The following UTRN variants were observed in gnomAD, a reference collection of about 807,000 sequenced individuals.
The protein encoded by UTRN is dystrophin-related protein 1.
A neutral mutation model predicts 463.9 loss-of-function variants in UTRN; 283 were observed. The observed-to-expected ratio is 0.61, with a 90% CI of 0.55 to 0.67. UTRN has a LOEUF of 0.67. UTRN is among the 30% of genes least tolerant of loss of function. UTRN has a pLI of 0.00. For synonymous variants in UTRN, 1,442 were observed against 1,431.5 expected (o/e 1.01, Z -0.17); for missense variants, 3,922 against 4,084.3 (o/e 0.96, Z 1.08).
At chr6:144,670,336 G>A (rs189384175) in intron 51 of UTRN, among the ~76,000 whole-genome samples, 2 of 152,000 alleles carry the variant, frequency 1.3e-5, no homozygotes, top group Non-Finnish European at 2.9e-5. Flanking sequence ...GAGTAAGGGG[G>A]TATCACATTG....
intron 2 of UTRN, among the ~76,000 whole-genome samples, chr6:144,361,965 T>C (rs1779119260): frequency 6.6e-6 from 1 of 152,128 alleles, no homozygotes; most frequent in Non-Finnish European, 1.5e-5. Context: ...TTTTTCCTTT[T>C]TGCTGCCACT....
At chr6:144,790,034 A>G (rs565887263) in intron 62 of UTRN, among the ~76,000 whole-genome samples, 1 of 152,298 alleles carries the variant, frequency 6.6e-6, no homozygotes, top group South Asian at 2.1e-4. Flanking sequence ...TAGTATTCCA[A>G]TTTTACAGTT....
At chr6:144,616,124 A>G (rs1181760681) in intron 51 of UTRN, among the ~76,000 whole-genome samples, 1 of 152,118 alleles carries the variant, frequency 6.6e-6, no homozygotes, top group Non-Finnish European at 1.5e-5. Flanking sequence ...ATTGGACCCT[A>G]AGGATGTACA....
intron 2 of UTRN, 63 bp downstream of exon 2, chr6:144,291,970 G>T: frequency 6.6e-7 from 1 of 1,512,342 alleles, no homozygotes; most frequent in South Asian, 1.3e-5. Flanking sequence ...TATGTTTCTT[G>T]GATTGATTTG....
At chr6:144,515,151 C>T (rs979896009) in intron 37 of UTRN, among the ~76,000 whole-genome samples, 14 of 152,144 alleles carry the variant, frequency 9.2e-5, no homozygotes, top group African/African-American at 1.2e-4. Context: ...GTGATCTGCC[C>T]GCCTTGGCCT....
chr6:144,597,235 C>CAAAAAA (rs67471247), intron 51 of UTRN, among the ~76,000 whole-genome samples: 14,516 of 84,694 alleles, frequency 0.17, 966 homozygotes, highest in South Asian at 0.3. Context: ...GAGACTGTCT[C>CAAAAAA]AAAAAAAAAA....
intron 52 of UTRN, among the ~76,000 whole-genome samples, chr6:144,689,380 A>G (rs1256563554): frequency 6.6e-6 from 1 of 152,194 alleles, no homozygotes; most frequent in Non-Finnish European, 1.5e-5. Flanking sequence ...TGAGCCCAGC[A>G]TTACACCCAT....
intron 51 of UTRN, chr6:144,660,193 G>A (rs936973071): frequency 6.4e-6 from 3 of 470,536 alleles, no homozygotes; most frequent in Non-Finnish European, 1.3e-5. Flanking sequence ...GAAGTTTGCC[G>A]GAAAGATGTA....
At chr6:144,574,163 G>A (rs1801209930) in intron 50 of UTRN, among the ~76,000 whole-genome samples, 1 of 152,294 alleles carries the variant, frequency 6.6e-6, no homozygotes, top group Non-Finnish European at 1.5e-5. Context: ...CCTAAACAGA[G>A]TATTGAAGAA....
chr6:144,485,301 T>C, intron 27 of UTRN, 84 bp from the exon 28 acceptor site: 3 of 1,537,512 alleles, frequency 2.0e-6, no homozygotes, highest in Non-Finnish European at 2.6e-6. Flanking sequence ...AATGAAATTA[T>C]TAGCGATTAA....
intron 2 of UTRN, among the ~76,000 whole-genome samples, chr6:144,303,540 C>T (rs1805479250): frequency 6.6e-6 from 1 of 152,194 alleles, no homozygotes; most frequent in African/African-American, 2.4e-5. Context: ...AAGTTGACTA[C>T]TGCTGTTTTT....
intron 52 of UTRN, among the ~76,000 whole-genome samples, chr6:144,694,407 A>G (rs1036393413): frequency 1.3e-5 from 2 of 151,992 alleles, no homozygotes; most frequent in Non-Finnish European, 2.9e-5. Flanking sequence ...GCCTCAAATA[A>G]TGAGTTAGGG....
chr6:144,473,826 A>G lies in UTRN; in HGVS notation c.3173A>G (p.Gln1058Arg). 1.2e-6 allele frequency: 2 copies of G among 1,611,696 alleles called. No homozygotes were observed. The highest frequency in any genetic ancestry group is 1.7e-6 in the Non-Finnish European group (2 of 1,178,122). Residue 1058 changes from glutamine to arginine, a missense_variant, in exon 24 of 75, where the codon CAG (glutamine) becomes CGG (arginine). This residue lies in a region of UTRN where 2,349 missense variants were observed against 2,303.8 expected (regional missense o/e 1.02). Transcript: ENST00000367545. ...GCAGGTCTACAGAGGCAGTTAGACC[A>G]GTGCTCTGTGAGTTCTGCTGATCTG... ...DDAGLQRQLD[Q>R]CSAFVNEIET...
At chr6:144,536,006 C>G (rs765537611) in intron 43 of UTRN, among the ~76,000 whole-genome samples, 1 of 152,130 alleles carries the variant, frequency 6.6e-6, no homozygotes, top group Admixed American at 6.5e-5. Context: ...TCTCGAACTC[C>G]TAGGCTCAAG....
chr6:144,810,775 CAT>C (rs1362876271), intron 65 of UTRN, among the ~76,000 whole-genome samples: 1 of 152,100 alleles, frequency 6.6e-6, no homozygotes, highest in Non-Finnish European at 1.5e-5. Context: ...TTGTCAATGT[CAT>C]AGTTTAGTTG....
Position 144,797,846 on chromosome 6 carries a change from G to A in UTRN, c.9101G>A (p.Ser3034Asn). ...FQQNNNKPEISVKEFIDWMHL... is the reference protein window; with the variant it reads ...FQQNNNKPEINVKEFIDWMHL... ...CAGAATAACAATAAACCAGAAATAA[G>A]TGTGAAAGAGTTTATAGATTGGATG... Residue 3034 changes from serine (S) to asparagine (N), a missense_variant, in exon 64 of 75, where the codon AGT becomes AAT. By Grantham distance (46) the Ser-to-Asn change is conservative (BLOSUM62 1). Transcript: ENST00000367545. 3.1e-6 allele frequency: 5 copies of A among 1,613,942 alleles called. No individual in the cohort carries two copies. Among genetic ancestry groups the A allele is most frequent in the Non-Finnish European group, 4.2e-6 (5 of 1,179,932 alleles).
chr6:144,816,748 TA>T (rs142639243), intron 65 of UTRN, among the ~76,000 whole-genome samples: 8 of 146,416 alleles, frequency 5.5e-5, no homozygotes, highest in Non-Finnish European at 7.5e-5. Context: ...TTTTTTTTTT[TA>T]AATTTTTTTT....
At chr6:144,638,709 A>T (rs1225381467) in intron 51 of UTRN, among the ~76,000 whole-genome samples, 1 of 152,200 alleles carries the variant, frequency 6.6e-6, no homozygotes, top group East Asian at 1.9e-4. Context: ...TGGTATTTAA[A>T]ATTAATTTTG....
chr6:144,355,515 T>G (rs777182022), intron 2 of UTRN, among the ~76,000 whole-genome samples: 1 of 152,172 alleles, frequency 6.6e-6, no homozygotes, highest in Non-Finnish European at 1.5e-5. Flanking sequence ...TTCTTATTGT[T>G]TTGTAAATCA....
Sources: allele counts gnomAD v4.1 joint callset (sites outside exome capture counted in the v4.1 genomes callset), GRCh38; gene constraint gnomAD v4.1.1; regional missense constraint gnomAD v4.1.1; transcripts MANE v1.5; gene names NCBI Gene and HGNC (gene_info 2026-07-23, HGNC 2026-07-21).